Variants in KIAA0825 observed in about 807,000 individuals in gnomAD.
The protein encoded by KIAA0825 is KIAA0825, also known as uncharacterized protein KIAA0825.
KIAA0825 carries 119 observed loss-of-function variants against 147.6 expected under a neutral mutation model. The observed-to-expected ratio is 0.81, with a 90% CI of 0.69 to 0.94. The LOEUF (loss-of-function observed/expected upper bound fraction) is 0.94. Ranked by LOEUF, KIAA0825 falls within the 40% of genes least tolerant of loss-of-function variation. The pLI is 0.00. For synonymous variants in KIAA0825, 470 were observed against 518.1 expected (o/e 0.91, Z 1.26); for missense variants, 1,381 against 1,472.7 (o/e 0.94, Z 1.02).
chr5:94,215,664 T>G (rs1417218542), intron 20 of KIAA0825, among the ~76,000 whole-genome samples: 4 of 152,126 alleles, frequency 2.6e-5, no homozygotes, highest in Non-Finnish European at 5.9e-5. Context: ...CTTTTTAATC[T>G]TAATCTAACT....
chr5:94,384,538 G>T, intron 19 of KIAA0825, 80 bp from the exon 20 acceptor site: 1 of 1,133,754 alleles, frequency 8.8e-7, no homozygotes, highest in Non-Finnish European at 1.3e-6. Flanking sequence ...AGCTCCAGCT[G>T]TGATAGACTA....
intron 6 of KIAA0825, among the ~76,000 whole-genome samples, chr5:94,477,998 CT>C (rs1421376677): frequency 6.6e-6 from 1 of 152,076 alleles, no homozygotes; most frequent in African/African-American, 2.4e-5. Flanking sequence ...TATGATCTAA[CT>C]TTTCTTTTTT....
intron 20 of KIAA0825, among the ~76,000 whole-genome samples, chr5:94,300,492 G>A (rs183329786): frequency 1.3e-5 from 2 of 151,786 alleles, no homozygotes; most frequent in African/African-American, 2.4e-5. Context: ...AAAATGAGAT[G>A]GTAATTGATA....
intron 20 of KIAA0825, among the ~76,000 whole-genome samples, chr5:94,203,557 G>C (rs1771885386): frequency 6.6e-6 from 1 of 152,044 alleles, no homozygotes; most frequent in African/African-American, 2.4e-5. Flanking sequence ...TTTCCAATCT[G>C]CAATTAAACT....
chr5:94,333,497 T>C (rs1050213830), intron 20 of KIAA0825, among the ~76,000 whole-genome samples: 1 of 152,176 alleles, frequency 6.6e-6, no homozygotes, highest in Non-Finnish European at 1.5e-5. Flanking sequence ...CTTAACCCAT[T>C]GCTTGTTTTT....
At chr5:94,476,190 T>A (rs771584043) in intron 7 of KIAA0825, among the ~76,000 whole-genome samples, 5 of 152,186 alleles carry the variant, frequency 3.3e-5, no homozygotes, top group Non-Finnish European at 5.9e-5. Flanking sequence ...TTACCTAGTG[T>A]ATCAGTCAGG....
chr5:94,166,302 A>G (rs893326570), intron 20 of KIAA0825, among the ~76,000 whole-genome samples: 9 of 152,224 alleles, frequency 5.9e-5, no homozygotes, highest in Admixed American at 4.6e-4. Context: ...CTAAATCCAT[A>G]TTCAAAATCC....
chr5:94,233,585 G>A (rs1774861301), intron 20 of KIAA0825, among the ~76,000 whole-genome samples: 1 of 152,100 alleles, frequency 6.6e-6, no homozygotes. Flanking sequence ...CTGAATATAA[G>A]TTGTCATGAT....
intron 5 of KIAA0825, among the ~76,000 whole-genome samples, chr5:94,502,458 A>C (rs1336701038): frequency 6.6e-6 from 1 of 152,198 alleles, no homozygotes; most frequent in African/African-American, 2.4e-5. Flanking sequence ...ACATTACATG[A>C]CAATATGTCT....
chr5:94,593,783 G>A (rs887563950), intron 1 of KIAA0825: 1 of 340,512 alleles, frequency 2.9e-6, no homozygotes, highest in African/African-American at 2.2e-5. Flanking sequence ...TTCCAAAGTA[G>A]GGAGTTTTTT....
At chr5:94,205,806 A>G (rs374885013) in intron 20 of KIAA0825, among the ~76,000 whole-genome samples, 3 of 152,180 alleles carry the variant, frequency 2.0e-5, no homozygotes, top group East Asian at 3.9e-4. Context: ...ATTTTCCCCT[A>G]TTCCATGACT....
At chr5:94,506,619 T>C (rs1174573050) in intron 5 of KIAA0825, among the ~76,000 whole-genome samples, 1 of 152,224 alleles carries the variant, frequency 6.6e-6, no homozygotes, top group African/African-American at 2.4e-5. Flanking sequence ...ATTTTGTCCA[T>C]GGTTTTCAAT....
At chr5:94,405,701 T>C (rs1173020591) in intron 15 of KIAA0825, among the ~76,000 whole-genome samples, 3 of 152,040 alleles carry the variant, frequency 2.0e-5, no homozygotes, top group Non-Finnish European at 4.4e-5. Flanking sequence ...ATAAACCAAA[T>C]AGGAAGTGAT....
intron 20 of KIAA0825, among the ~76,000 whole-genome samples, chr5:94,289,028 G>T (rs1332281169): frequency 6.6e-6 from 1 of 152,134 alleles, no homozygotes; most frequent in Non-Finnish European, 1.5e-5. Context: ...TTCTGTTGTT[G>T]CCGATGGAAT....
In KIAA0825 at chr5:94,294,030, G is replaced by A. The variant is rs140541548; in HGVS notation, c.3710+90338C>T. On this transcript the variant is annotated intron_variant, in intron 20 of 20. Transcript: ENST00000682413. The stretch of plus-strand genomic sequence containing the variant: ...TTTGAGTTTATATGTGCCTTTGCAC[G>A]TGGGATGGGTCTCCTGAATACAACA... Among the ~76,000 whole-genome samples the A allele has an allele frequency of 1.4e-4, 21 of 152,108 alleles. 1 individual carries two copies. The East Asian group carries it at 3.5e-3, about 25-fold the overall frequency.
chr5:94,487,670 C>T (rs978068432), intron 5 of KIAA0825, among the ~76,000 whole-genome samples: 14 of 152,134 alleles, frequency 9.2e-5, no homozygotes, highest in African/African-American at 2.4e-4. Context: ...ATCTCCTTTC[C>T]GCATTTTTCA....
At chr5:94,269,361 A>G (rs2150140700) in intron 20 of KIAA0825, among the ~76,000 whole-genome samples, 2 of 152,324 alleles carry the variant, frequency 1.3e-5, no homozygotes, top group Admixed American at 1.3e-4. Flanking sequence ...GGAAAGAAGG[A>G]AGAGAAGACC....
At chr5:94,469,425 C>A (rs578164387) in intron 10 of KIAA0825, among the ~76,000 whole-genome samples, 98 of 152,232 alleles carry the variant, frequency 6.4e-4, no homozygotes, top group South Asian at 1.7e-3. Flanking sequence ...GCCTGCCTTA[C>A]CCTTCCAAAG....
chr5:94,511,419 C>G (rs940787371), intron 5 of KIAA0825, among the ~76,000 whole-genome samples: 8 of 151,992 alleles, frequency 5.3e-5, no homozygotes, highest in African/African-American at 1.9e-4. Context: ...TCAGGAGTTC[C>G]AGACCAGCCT....
Sources: allele counts gnomAD v4.1 joint callset (sites outside exome capture counted in the v4.1 genomes callset), GRCh38; gene constraint gnomAD v4.1.1; transcripts MANE v1.5; gene names NCBI Gene and HGNC (gene_info 2026-07-23, HGNC 2026-07-21).